The following FRMD3 variants were observed in gnomAD, a reference collection of about 807,000 sequenced individuals.
FRMD3 encodes the protein FERM domain containing 3.
Under a neutral mutation model 70.2 loss-of-function variants are expected in FRMD3, and 33 were observed. The ratio of observed to expected loss-of-function variants is 0.47; its 90% confidence interval spans 0.36 to 0.63. The LOEUF (loss-of-function observed/expected upper bound fraction) is 0.63, where lower values mean the gene tolerates loss of function less well. FRMD3 is among the 20% of genes least tolerant of loss of function. The pLI, the probability that FRMD3 is intolerant of heterozygous loss-of-function variation, is 0.00. For synonymous variants in FRMD3, 279 were observed against 255.9 expected (o/e 1.09, Z -0.86); for missense variants, 632 against 711.4 (o/e 0.89, Z 1.27).
intron 1 of FRMD3, among the ~76,000 whole-genome samples, chr9:83,494,410 A>G (rs1037183345): frequency 2.0e-5 from 3 of 152,146 alleles, no homozygotes; most frequent in East Asian, 1.9e-4. Context: ...GTTCATGCCA[A>G]TTTGGTTGTT....
chr9:83,289,306 T>C (rs879290203), intron 13 of FRMD3, among the ~76,000 whole-genome samples: 8 of 149,020 alleles, frequency 5.4e-5, no homozygotes, highest in African/African-American at 7.3e-5. Context: ...ATTGTTAAGA[T>C]AGATAACAAA....
At chr9:83,260,740 C>T (rs1458749415) in intron 13 of FRMD3, among the ~76,000 whole-genome samples, 6 of 152,124 alleles carry the variant, frequency 3.9e-5, no homozygotes, top group African/African-American at 1.4e-4. Context: ...ATACTCTCTA[C>T]ATGTTCTATC....
chr9:83,444,357 T>A (rs1473927210), intron 1 of FRMD3, among the ~76,000 whole-genome samples: 1 of 152,170 alleles, frequency 6.6e-6, no homozygotes, highest in African/African-American at 2.4e-5. Context: ...GGTTCCCACA[T>A]CCCTAGTAAT....
At chr9:83,571,329 CCAGA>C in the FRMD3 span, among the ~76,000 whole-genome samples, 1 of 152,184 alleles carries the variant, frequency 6.6e-6, no homozygotes, top group Non-Finnish European at 1.5e-5. Context: ...CACCCAGCCA[CCAGA>C]GTCATAAGCC....
chr9:83,268,088 T>C (rs1387491840), intron 13 of FRMD3, among the ~76,000 whole-genome samples: 7 of 152,232 alleles, frequency 4.6e-5, no homozygotes, highest in Non-Finnish European at 1.5e-5. Flanking sequence ...CTAAAGTTAG[T>C]GTTCTAAATG....
chr9:83,270,299 C>A (rs1337162265), intron 13 of FRMD3, among the ~76,000 whole-genome samples: 1 of 152,198 alleles, frequency 6.6e-6, no homozygotes, highest in East Asian at 1.9e-4. Context: ...GCTAAGTCAG[C>A]CTGAAACCAA....
At chr9:83,553,469 G>A in the FRMD3 span, among the ~76,000 whole-genome samples, 1 of 152,172 alleles carries the variant, frequency 6.6e-6, no homozygotes, top group African/African-American at 2.4e-5. Context: ...ATCTTCTTGT[G>A]TAGAAGAAGG....
chr9:83,388,139 A>G (rs1825564357), intron 2 of FRMD3, among the ~76,000 whole-genome samples: 1 of 152,166 alleles, frequency 6.6e-6, no homozygotes, highest in Admixed American at 6.5e-5. Flanking sequence ...ATCCCTTCAT[A>G]TAAACTTGGG....
chr9:83,325,228 G>A (rs1835964848), intron 6 of FRMD3, among the ~76,000 whole-genome samples: 1 of 152,172 alleles, frequency 6.6e-6, no homozygotes, highest in African/African-American at 2.4e-5. Context: ...CTATTCCAGT[G>A]ATGGTTACGC....
At chr9:83,580,041 C>T in the FRMD3 span, among the ~76,000 whole-genome samples, 2 of 152,070 alleles carry the variant, frequency 1.3e-5, no homozygotes, top group Admixed American at 1.3e-4. Context: ...TGCCCAATGT[C>T]ACTAATTATC....
intron 1 of FRMD3, among the ~76,000 whole-genome samples, chr9:83,400,761 G>T (rs1384200462): frequency 6.6e-6 from 1 of 152,106 alleles, no homozygotes; most frequent in Non-Finnish European, 1.5e-5. Context: ...CTGACAAAAA[G>T]TCCCCAAAGG....
Position 83,494,314 on chromosome 9 carries a change from A to C in FRMD3, c.147+43771T>G, listed in dbSNP as rs551632694. Among the ~76,000 whole-genome samples the C allele has an allele frequency of 3.3e-5, 5 of 152,362 alleles. No individual in the cohort carries two copies. In the East Asian group the frequency reaches 9.6e-4, roughly 29 times the overall value. On this transcript the variant is annotated intron_variant, in intron 1 of 13. Transcript: ENST00000304195. ...TAATGAAATGGAGCAAAATATTCTA[A>C]GATAGTGAATACTCAGAAAAATGAA... is the stretch of plus-strand genomic sequence containing the variant.
intron 13 of FRMD3, among the ~76,000 whole-genome samples, chr9:83,252,758 C>CA (rs1832490643): frequency 6.6e-6 from 1 of 152,008 alleles, no homozygotes; most frequent in African/African-American, 2.4e-5. Flanking sequence ...CAACAAAGAT[C>CA]AAAAAAGACA....
Position 83,246,135 on chromosome 9 carries a change from T to G in FRMD3, c.*1783A>C, listed in dbSNP as rs4877743. ...GAGCTCCACTGAGTGAGTGGAAATG[T>G]ATTGCCCAATTTAGAAATCATGCTA... On this transcript the variant is annotated 3_prime_UTR_variant, in exon 14 of 14. Transcript: ENST00000304195. 0.8 allele frequency: 791,204 copies of G among 983,834 alleles called. 318,598 individuals carry two copies. Among genetic ancestry groups the G allele is most frequent in the East Asian group, 0.96 (8,381 of 8,724 alleles). The allele number at this position is 983,834 out of a possible 1,614,324, so 60.9% of individuals were successfully genotyped here. A position where few individuals can be genotyped will look rare whatever the true frequency, so the allele number is the denominator to read the frequency against.
intron 1 of FRMD3, among the ~76,000 whole-genome samples, chr9:83,506,666 C>T (rs191010849): frequency 5.9e-4 from 90 of 152,224 alleles, no homozygotes; most frequent in African/African-American, 2.0e-3. Flanking sequence ...CCACTGTAGA[C>T]TTTATAAACA....
At chr9:83,467,210 T>TA (rs1828151336) in intron 1 of FRMD3, among the ~76,000 whole-genome samples, 1 of 152,230 alleles carries the variant, frequency 6.6e-6, no homozygotes, top group Non-Finnish European at 1.5e-5. Flanking sequence ...TGGCAGGTGT[T>TA]ATCCAAACCA....
At chr9:83,380,654 A>T (rs1322334159) in intron 2 of FRMD3, among the ~76,000 whole-genome samples, 1 of 152,192 alleles carries the variant, frequency 6.6e-6, no homozygotes, top group East Asian at 1.9e-4. Context: ...CACTGCTAAG[A>T]CAAAAAAAAT....
intron 1 of FRMD3, among the ~76,000 whole-genome samples, chr9:83,453,585 CTT>C (rs143460102): frequency 0.091 from 13,770 of 152,048 alleles, 695 homozygotes; most frequent in South Asian, 0.2. Flanking sequence ...ATTTCAAAGA[CTT>C]AGTCCAGATA....
intron 1 of FRMD3, among the ~76,000 whole-genome samples, chr9:83,492,009 T>C (rs555989243): frequency 6.6e-6 from 1 of 152,336 alleles, no homozygotes; most frequent in African/African-American, 2.4e-5. Flanking sequence ...TTATCTACTC[T>C]TGTCTTTATT....
Sources: allele counts gnomAD v4.1 joint callset (sites outside exome capture counted in the v4.1 genomes callset), GRCh38; gene constraint gnomAD v4.1.1; transcripts MANE v1.5; gene names NCBI Gene and HGNC (gene_info 2026-07-23, HGNC 2026-07-21).